SLCO2B1: variants seen among roughly 807,000 people sequenced by gnomAD.
SLCO2B1 encodes the protein solute carrier organic anion transporter family member 2B1, also known as OATP-RP2.
A neutral mutation model predicts 67.3 loss-of-function variants in SLCO2B1; 41 were observed. The ratio of observed to expected loss-of-function variants is 0.61; its 90% CI spans 0.47 to 0.79. The LOEUF (loss-of-function observed/expected upper bound fraction) is 0.79, where lower values mean the gene tolerates loss of function less well. Ranked by LOEUF, SLCO2B1 falls within the 30% of genes least tolerant of loss-of-function variation. The probability of loss-of-function intolerance (pLI) is 0.00; values close to 1 mark genes in which losing one functional copy is unlikely to be tolerated. For synonymous variants in SLCO2B1, 379 were observed against 381.4 expected (o/e 0.99, Z 0.07); for missense variants, 837 against 920.1 (o/e 0.91, Z 1.17).
chr11:75,173,786 G>T (rs1403473371), intron 7 of SLCO2B1, among the ~76,000 whole-genome samples: 1 of 152,116 alleles, frequency 6.6e-6, no homozygotes, highest in Non-Finnish European at 1.5e-5. Flanking sequence ...AAAAGAAAAT[G>T]ACAAAATAGA....
intron 1 of SLCO2B1, among the ~76,000 whole-genome samples, chr11:75,155,466 T>C (rs964289982): frequency 1.3e-5 from 2 of 152,176 alleles, no homozygotes; most frequent in African/African-American, 4.8e-5. Context: ...ACAATCTTGT[T>C]CTTTTATTGA....
At chr11:75,155,670 C>T (rs1005641928) in intron 1 of SLCO2B1, among the ~76,000 whole-genome samples, 1 of 152,162 alleles carries the variant, frequency 6.6e-6, no homozygotes, top group Non-Finnish European at 1.5e-5. Context: ...GTTGGCCAGG[C>T]TGGTTTCGAG....
At chr11:75,192,802 T>C (rs1945042293) in intron 8 of SLCO2B1, among the ~76,000 whole-genome samples, 1 of 152,116 alleles carries the variant, frequency 6.6e-6, no homozygotes, top group Non-Finnish European at 1.5e-5. Context: ...TCCTAGCACT[T>C]TGGGAGGCCA....
At chr11:75,159,560 C>T (rs985212625) in intron 1 of SLCO2B1, among the ~76,000 whole-genome samples, 3 of 152,322 alleles carry the variant, frequency 2.0e-5, no homozygotes, top group Middle Eastern at 3.4e-3. Flanking sequence ...AGGGGAGTTC[C>T]GCCCTGAGTC....
At chr11:75,200,482 G>A (rs1414752369) in intron 11 of SLCO2B1, 95 bp downstream of exon 11, 6 of 1,307,652 alleles carry the variant, frequency 4.6e-6, no homozygotes, top group Admixed American at 2.3e-5. Flanking sequence ...CAAGAAAGGA[G>A]GCCACTTGGG....
intron 7 of SLCO2B1, among the ~76,000 whole-genome samples, chr11:75,177,763 G>T (rs756473096): frequency 1.7e-4 from 26 of 152,148 alleles, no homozygotes; most frequent in Non-Finnish European, 3.2e-4. Flanking sequence ...AATAAGAAAT[G>T]AATTTCTGGG....
chr11:75,182,720 G>A (rs901229810), intron 7 of SLCO2B1, among the ~76,000 whole-genome samples: 2 of 151,944 alleles, frequency 1.3e-5, no homozygotes, highest in Non-Finnish European at 2.9e-5. Flanking sequence ...CCAATCTGGG[G>A]GACACAGCAA....
rs75648436 is a variant in SLCO2B1, at chr11:75,191,621, T to C, written c.1076-1597T>C. Among the ~76,000 whole-genome samples the C allele has an allele frequency of 1.6e-3, 245 of 152,256 alleles. 2 individuals carry two copies. Among genetic ancestry groups the C allele is most frequent in the African/African-American group, 5.8e-3 (239 of 41,550 alleles). On this transcript the variant is annotated intron_variant, in intron 8 of 13. Transcript: ENST00000289575. ...GCCCTGCTCTGAGGACAGACAGAAA[T>C]CTTCCCATGACAGAGGCCCTGGTCC...
In SLCO2B1 at chr11:75,205,554, G is replaced by A. The variant is rs1035236444; in HGVS notation, c.*974G>A. 3 of 152,292 alleles carry A rather than the reference G, an allele frequency of 2.0e-5. No homozygotes were observed. The highest frequency in any genetic ancestry group is 2.0e-4 in the Admixed American group (3 of 15,292). 9.4% of individuals were successfully genotyped at this position (152,292 alleles called of 1,614,324 possible). A position where few individuals can be genotyped will look rare whatever the true frequency, so the allele number is the denominator to read the frequency against. On this transcript the variant is annotated 3_prime_UTR_variant, in exon 14 of 14. Transcript: ENST00000289575. ...CTAATTTCTCTATTTTCTCCTGGGTGCCTGGGTCTGTGTCACCTGGGGCAG... is the reference window on the plus strand; with the variant it reads ...CTAATTTCTCTATTTTCTCCTGGGTACCTGGGTCTGTGTCACCTGGGGCAG...
chr11:75,178,923 A>T (rs1432420619), intron 7 of SLCO2B1, among the ~76,000 whole-genome samples: 1 of 152,220 alleles, frequency 6.6e-6, no homozygotes. Flanking sequence ...AGGTTCACCC[A>T]GGTTTTCACA....
At position 75,169,530 on chromosome 11, in the gene SLCO2B1, T is replaced by G. The variant is rs951769884; in HGVS notation, c.682+124T>G. 3.7e-5 allele frequency: 44 copies of G among 1,197,602 alleles called. No homozygotes were observed. The East Asian group carries it at 6.7e-4, about 18-fold the overall frequency. The allele number at this position is 1,197,602 out of a possible 1,614,324, so 74.2% of individuals were successfully genotyped here. On this transcript the variant is annotated intron_variant, in intron 5 of 13. Coordinates refer to ENST00000289575, the MANE Select transcript of SLCO2B1 (RefSeq NM_007256.5). The stretch of plus-strand genomic sequence containing the variant: ...CCCTGCCCCATCTGGCCAGTAAAGG[T>G]CCAGGGAAGCCCTGGAGAGTTCCCC...
chr11:75,199,713 T>C (rs1945153515), intron 10 of SLCO2B1: 1 of 153,160 alleles, frequency 6.5e-6, no homozygotes, highest in Non-Finnish European at 1.5e-5. Context: ...CTCTGGTCTA[T>C]GGGAAAGCAA....
At chr11:75,180,492 C>T (rs550911733) in intron 7 of SLCO2B1, among the ~76,000 whole-genome samples, 3 of 152,332 alleles carry the variant, frequency 2.0e-5, no homozygotes, top group Non-Finnish European at 4.4e-5. Flanking sequence ...TTCTCCACAG[C>T]CTCCCCAGCA....
chr11:75,152,307 T>C (rs1949702015), intron 1 of SLCO2B1: 1 of 152,338 alleles, frequency 6.6e-6, no homozygotes. Flanking sequence ...TCCCCTGGGC[T>C]GTGTGAGCCT....
Position 75,203,446 on chromosome 11 carries a change from G to A in SLCO2B1, c.1949+19G>A. ...GAAACCGGTGAGACCTGGTTTGATG[G>A]CTTGTGGGAAGGGTGCTGGAAATAC... On this transcript the variant is annotated intron_variant, in intron 13 of 13. Transcript: ENST00000289575. 1 of 1,613,880 alleles carries A rather than the reference G, an allele frequency of 6.2e-7. No homozygotes were observed. Among genetic ancestry groups the A allele is most frequent in the Non-Finnish European group, 8.5e-7 (1 of 1,179,842 alleles).
At chr11:75,152,792 T>C (rs1007922960) in intron 1 of SLCO2B1, among the ~76,000 whole-genome samples, 7 of 152,096 alleles carry the variant, frequency 4.6e-5, no homozygotes, top group Non-Finnish European at 7.4e-5. Flanking sequence ...TGGTGGGCCA[T>C]TGGGTGCCAT....
chr11:75,187,179 CA>C (rs768704918), intron 7 of SLCO2B1, among the ~76,000 whole-genome samples: 67 of 152,214 alleles, frequency 4.4e-4, no homozygotes, highest in Non-Finnish European at 7.6e-4. Flanking sequence ...GTCATTAGAA[CA>C]GTGCCCAGCA....
intron 8 of SLCO2B1, among the ~76,000 whole-genome samples, chr11:75,190,556 G>A (rs1077858): frequency 0.61 from 93,176 of 152,080 alleles, 28,889 homozygotes; most frequent in Admixed American, 0.68. Context: ...TGGAGGTTAC[G>A]TAGTCCCTGA....
At chr11:75,187,307 C>G (rs148060630) in intron 7 of SLCO2B1, among the ~76,000 whole-genome samples, 152 of 152,300 alleles carry the variant, frequency 1.0e-3, no homozygotes, top group Middle Eastern at 3.4e-3. Context: ...ATTCTCTTCC[C>G]CTCTTTTTCA....
Sources: allele counts gnomAD v4.1 joint callset (sites outside exome capture counted in the v4.1 genomes callset), GRCh38; gene constraint gnomAD v4.1.1; transcripts MANE v1.5; gene names NCBI Gene and HGNC (gene_info 2026-07-23, HGNC 2026-07-21).